Variants in SMG7 observed in about 807,000 individuals in gnomAD.
The protein encoded by SMG7 is nonsense-mediated mRNA decay factor SMG7.
SMG7 carries 34 observed loss-of-function variants against 148.2 expected under a neutral mutation model. That is an observed-to-expected ratio of 0.23 (90% CI 0.17 to 0.31). SMG7 has a LOEUF of 0.31. Among genes scored for constraint, SMG7 ranks in the 10% least tolerant of loss-of-function variants. The pLI is 1.00. For missense variants in SMG7, 1,114 were observed against 1,408.4 expected, an observed-to-expected ratio of 0.79 and a Z score of 3.35; for synonymous variants, 492 against 515.1, an observed-to-expected ratio of 0.96 and a Z score of 0.61.
At chr1:183,521,936 A>G (rs1459079599) in intron 4 of SMG7, among the ~76,000 whole-genome samples, 1 of 152,028 alleles carries the variant, frequency 6.6e-6, no homozygotes. Context: ...TCAGATTTGC[A>G]TTTTTAAACG....
At position 183,554,001 on chromosome 1, in the gene SMG7, G is replaced by A. The variant is rs561529675; in HGVS notation, c.*2070G>A. 1.3e-5 allele frequency: 2 copies of A among 152,712 alleles called. No individual in the cohort carries two copies. The highest frequency in any genetic ancestry group is 1.5e-5 in the Non-Finnish European group (1 of 68,026). The allele number at this position is 152,712 out of a possible 1,614,324, so 9.5% of individuals were successfully genotyped here. A position where few individuals can be genotyped will look rare whatever the true frequency, so the allele number is the denominator to read the frequency against. On this transcript the variant is annotated 3_prime_UTR_variant, in exon 23 of 23. Transcript: ENST00000688051. The stretch of plus-strand genomic sequence containing the variant: ...TCTGACTCTTGGGGCGGGATTCCTC[G>A]CCTTATCATCCTCACTGTGGAGTAA...
intron 4 of SMG7, among the ~76,000 whole-genome samples, chr1:183,524,521 G>C (rs1259999627): frequency 6.6e-6 from 1 of 152,160 alleles, no homozygotes; most frequent in Admixed American, 6.5e-5. Flanking sequence ...AGGGTGCGCA[G>C]AATTTATATT....
At chr1:183,545,542 T>C (rs1453299674) in intron 16 of SMG7, among the ~76,000 whole-genome samples, 2 of 152,174 alleles carry the variant, frequency 1.3e-5, no homozygotes, top group Non-Finnish European at 2.9e-5. Context: ...TGCTACTAAG[T>C]GTCCATTTTA....
At chr1:183,474,429 T>A (rs1228364279) in intron 1 of SMG7, among the ~76,000 whole-genome samples, 1 of 151,924 alleles carries the variant, frequency 6.6e-6, no homozygotes, top group East Asian at 1.9e-4. Context: ...CTGGGCATGG[T>A]GGTGGGCGCC....
At chr1:183,543,227 A>T (rs541241328) in intron 14 of SMG7, among the ~76,000 whole-genome samples, 1 of 152,284 alleles carries the variant, frequency 6.6e-6, no homozygotes, top group Non-Finnish European at 1.5e-5. Flanking sequence ...TATTAATACT[A>T]TTAATGTTTG....
At chr1:183,549,738 T>TA (rs1670635144) in intron 19 of SMG7, 26 bp from the exon 20 acceptor site, 1 of 1,603,786 alleles carries the variant, frequency 6.2e-7, no homozygotes, top group African/African-American at 1.3e-5. Context: ...GGGGTGAGTT[T>TA]ATAACTTCAC....
chr1:183,529,679 T>G (rs1488378605), intron 8 of SMG7, 146 bp downstream of exon 8: 1 of 635,040 alleles, frequency 1.6e-6, no homozygotes, highest in Admixed American at 3.3e-5. Context: ...ATCTTTGCAT[T>G]TATCATCCCT....
chr1:183,523,785 TTTTA>T (rs1483610482), intron 4 of SMG7, among the ~76,000 whole-genome samples: 2 of 152,058 alleles, frequency 1.3e-5, no homozygotes, highest in Non-Finnish European at 2.9e-5. Context: ...CCAACCATAA[TTTTA>T]TTTATTTTTT....
intron 1 of SMG7, among the ~76,000 whole-genome samples, chr1:183,490,845 G>GCACAATCTTGGTGCACTGC: frequency 6.6e-6 from 1 of 152,152 alleles, no homozygotes; most frequent in East Asian, 1.9e-4. Flanking sequence ...GAGTGCAGTG[G>GCACAATCTTGGTGCACTGC]CACAATCTTG....
chr1:183,547,060 G>A (rs41272540), intron 17 of SMG7, 43 bp from the exon 18 acceptor site: 1 of 1,524,506 alleles, frequency 6.6e-7, no homozygotes, highest in East Asian at 2.5e-5. Context: ...TTATGCTTTT[G>A]TTATCCCTTA....
At chr1:183,518,901 T>C (rs1034049437) in intron 4 of SMG7, among the ~76,000 whole-genome samples, 2 of 152,266 alleles carry the variant, frequency 1.3e-5, no homozygotes, top group Non-Finnish European at 2.9e-5. Flanking sequence ...GCCTGACTAT[T>C]GCTGCCTATA....
intron 1 of SMG7, among the ~76,000 whole-genome samples, chr1:183,495,871 G>GAA (rs778006636): frequency 1.5e-5 from 2 of 135,526 alleles, no homozygotes; most frequent in African/African-American, 2.7e-5. Flanking sequence ...TTTCTCAATG[G>GAA]AAAAAAAAAA....
At position 183,517,698 on chromosome 1, in the gene SMG7, G is replaced by A. The variant is rs924147141; in HGVS notation, c.190G>A (p.Ala64Thr). Residue 64 changes from alanine to threonine, a missense_variant, in exon 4 of 23, where the codon GCC becomes ACC. Around this residue, in one of 4 missense-constraint regions of SMG7, gnomAD observed 216 missense variants for 329.1 expected, o/e 0.66. Transcript: ENST00000688051. ...KKVEQDLWNHAFKNQITTLQG... is the reference protein window; with the variant it reads ...KKVEQDLWNHTFKNQITTLQG... ...ACATTTTGTTTTCAGCTGGAATCAC[G>A]CCTTTAAGAATCAGATCACAACACT... 12 of 1,613,866 alleles carry A rather than the reference G, an allele frequency of 7.4e-6. No homozygotes were observed. Among genetic ancestry groups the A allele is most frequent in the African/African-American group, 6.7e-5 (5 of 74,900 alleles).
rs866615165 is a variant in SMG7 at position 183,527,274 on chromosome 1, A to G, written c.484+507A>G. Reference sequence around the variant, plus strand: ...TTATTTATTCTTGTTCATTCCTTTAAGGTGACCTAGAAAGGTTGTAAAACA... The same window carrying G: ...TTATTTATTCTTGTTCATTCCTTTAGGGTGACCTAGAAAGGTTGTAAAACA... On this transcript the variant is annotated intron_variant, in intron 5 of 22. Transcript: ENST00000688051. This position sits in a 1 kb window ranked among gnomAD's most constrained non-coding sequence, Gnocchi z 4.0. Among the ~76,000 whole-genome samples, 1 of 152,180 alleles carries G rather than the reference A, an allele frequency of 6.6e-6. No individual in the cohort carries two copies. The highest frequency in any genetic ancestry group is 6.5e-5 in the Admixed American group (1 of 15,278).
At chr1:183,510,212 T>G (rs1661823335) in intron 1 of SMG7, among the ~76,000 whole-genome samples, 1 of 152,184 alleles carries the variant, frequency 6.6e-6, no homozygotes, top group African/African-American at 2.4e-5. Flanking sequence ...GAAAGGTCAT[T>G]CATTGAATCT....
intron 1 of SMG7, among the ~76,000 whole-genome samples, chr1:183,505,331 T>C (rs1660665718): frequency 6.6e-6 from 1 of 152,220 alleles, no homozygotes; most frequent in Admixed American, 6.5e-5. Context: ...ATAGTACTTT[T>C]CTGCTGTCTG....
chr1:183,551,007 ATCT>A (rs749321838), intron 21 of SMG7, 35 bp from the exon 22 acceptor site: 12 of 1,613,810 alleles, frequency 7.4e-6, no homozygotes, highest in African/African-American at 1.3e-5. Flanking sequence ...GTGATAGAAC[ATCT>A]TCTTGAATTT....
At chr1:183,523,808 T>A (rs1665271250) in intron 4 of SMG7, among the ~76,000 whole-genome samples, 1 of 152,084 alleles carries the variant, frequency 6.6e-6, no homozygotes, top group Admixed American at 6.5e-5. Context: ...TTGTGATCTT[T>A]CTTTTTTGTT....
At chr1:183,544,854 G>T in intron 15 of SMG7, 76 bp from the exon 16 acceptor site, 1 of 1,486,808 alleles carries the variant, frequency 6.7e-7, no homozygotes, top group East Asian at 2.3e-5. Context: ...CTACCTACCT[G>T]TTAAAAAAAA....
Sources: allele counts gnomAD v4.1 joint callset (sites outside exome capture counted in the v4.1 genomes callset), GRCh38; gene constraint gnomAD v4.1.1; regional missense constraint gnomAD v4.1.1; non-coding constraint Gnocchi (gnomAD v3.1); transcripts MANE v1.5; gene names NCBI Gene and HGNC (gene_info 2026-07-23, HGNC 2026-07-21).